Variants in BRINP2 observed in about 807,000 individuals in gnomAD.
BRINP2 encodes the protein BMP/retinoic acid inducible neural specific 2.
BRINP2 carries 21 observed loss-of-function variants against 69.2 expected under a neutral mutation model. That is an observed-to-expected ratio of 0.30 (90% CI 0.22 to 0.44). BRINP2 has a LOEUF of 0.44. Among genes scored for constraint, BRINP2 ranks in the 20% least tolerant of loss-of-function variants. The probability of loss-of-function intolerance (pLI) is 1.00; values close to 1 mark genes in which losing one functional copy is unlikely to be tolerated. For missense variants in BRINP2, 877 were observed against 986.0 expected (o/e 0.89, Z 1.48); for synonymous variants, 380 against 394.1 (o/e 0.96, Z 0.42).
chr1:177,220,703 G>A (rs188976015), intron 1 of BRINP2, among the ~76,000 whole-genome samples: 71 of 152,246 alleles, frequency 4.7e-4, no homozygotes, highest in South Asian at 1.5e-3. Context: ...ATGGACATGC[G>A]GAGACTGGGC....
chr1:177,281,530 G>T lies in BRINP2; in HGVS notation c.*2G>T. The T allele has an allele frequency of 6.3e-7, 1 of 1,595,082 alleles. No individual in the cohort carries two copies. The highest frequency in any genetic ancestry group is 2.2e-5 in the East Asian group (1 of 44,808). On this transcript the variant is annotated 3_prime_UTR_variant, in exon 8 of 8. Coordinates refer to ENST00000361539, the MANE Select transcript of BRINP2 (RefSeq NM_021165.4). ...GAGACCGGCAAACTCTGTAGCTAAT[G>T]GGCGGCCCACTTCAGCACTGGGCAA...
chr1:177,174,128 G>A (rs928399290), intron 1 of BRINP2, among the ~76,000 whole-genome samples: 1 of 152,120 alleles, frequency 6.6e-6, no homozygotes, highest in African/African-American at 2.4e-5. Context: ...CCCCCTTCTT[G>A]GAAAAGGGAG....
intron 4 of BRINP2, among the ~76,000 whole-genome samples, chr1:177,263,412 A>G (rs1353988621): frequency 6.6e-6 from 1 of 152,170 alleles, no homozygotes; most frequent in East Asian, 1.9e-4. Context: ...GGAGCCAGAG[A>G]TCATTAGAGA....
At chr1:177,226,692 G>A (rs1189852596) in intron 1 of BRINP2, among the ~76,000 whole-genome samples, 1 of 152,202 alleles carries the variant, frequency 6.6e-6, no homozygotes, top group African/African-American at 2.4e-5. Context: ...CCAGGTGCTA[G>A]ACAGGGAAGC....
chr1:177,260,608 C>T (rs2102350000), intron 4 of BRINP2, among the ~76,000 whole-genome samples: 1 of 152,268 alleles, frequency 6.6e-6, no homozygotes, highest in South Asian at 2.1e-4. Flanking sequence ...GCCACCCCAA[C>T]CTTCAGCAAC....
intron 1 of BRINP2, among the ~76,000 whole-genome samples, chr1:177,187,273 G>A (rs537511020): frequency 3.9e-5 from 6 of 152,190 alleles, no homozygotes; most frequent in South Asian, 2.1e-4. Context: ...AAATGCTTAC[G>A]GCACATCCAG....
rs557987630 is a variant in BRINP2, at chr1:177,276,541, G to C, written c.1012+107G>C. 7.9e-5 allele frequency: 77 copies of C among 969,262 alleles called. No homozygotes were observed. The South Asian group carries it at 1.1e-3, about 14-fold the overall frequency. The allele number at this position is 969,262 out of a possible 1,614,324, so 60.0% of individuals were successfully genotyped here. A position where few individuals can be genotyped will look rare whatever the true frequency, so the allele number is the denominator to read the frequency against. ...AGTTGAGGATCCTCATGGGGATCCTGACATGACCACTTAATTGTGTCTGTG... is the reference window on the plus strand; with the variant it reads ...AGTTGAGGATCCTCATGGGGATCCTCACATGACCACTTAATTGTGTCTGTG... On this transcript the variant is annotated intron_variant, in intron 6 of 7. Transcript: ENST00000361539.
chr1:177,234,097 G>C (rs1242839969), intron 2 of BRINP2, among the ~76,000 whole-genome samples: 1 of 152,186 alleles, frequency 6.6e-6, no homozygotes, highest in African/African-American at 2.4e-5. Context: ...GTAAGAGCTA[G>C]AAGAACAGAG....
At chr1:177,246,593 AG>A (rs991290347) in intron 2 of BRINP2, among the ~76,000 whole-genome samples, 41 of 152,342 alleles carry the variant, frequency 2.7e-4, no homozygotes, top group African/African-American at 8.9e-4. Flanking sequence ...TAAAAGTTGG[AG>A]GGGGTGCCCC....
intron 1 of BRINP2, among the ~76,000 whole-genome samples, chr1:177,191,578 C>T (rs772860975): frequency 2.0e-5 from 3 of 152,184 alleles, no homozygotes; most frequent in Non-Finnish European, 4.4e-5. Flanking sequence ...CCTCAGCCTC[C>T]TGAGTAGCTA....
intron 4 of BRINP2, among the ~76,000 whole-genome samples, chr1:177,269,977 T>G (rs976731063): frequency 3.3e-5 from 5 of 151,352 alleles, no homozygotes; most frequent in Admixed American, 2.6e-4. Context: ...TAGGCTCTCT[T>G]TATAATCTGC....
chr1:177,207,045 A>T (rs1313912631), intron 1 of BRINP2, among the ~76,000 whole-genome samples: 1 of 152,204 alleles, frequency 6.6e-6, no homozygotes, highest in Non-Finnish European at 1.5e-5. Flanking sequence ...GTTTATGGGC[A>T]GGAAGCTATA....
At chr1:177,254,572 A>T (rs1219362197) in intron 2 of BRINP2, among the ~76,000 whole-genome samples, 1 of 152,078 alleles carries the variant, frequency 6.6e-6, no homozygotes, top group African/African-American at 2.4e-5. Flanking sequence ...AAGGAAAAAT[A>T]CTTTTGTGGT....
intron 2 of BRINP2, among the ~76,000 whole-genome samples, chr1:177,250,664 A>G (rs1558177124): frequency 6.6e-6 from 1 of 152,154 alleles, no homozygotes; most frequent in Non-Finnish European, 1.5e-5. Flanking sequence ...TCTCCAGTGA[A>G]ATTCTCCAAA....
intron 1 of BRINP2, among the ~76,000 whole-genome samples, chr1:177,216,780 T>C (rs1414679254): frequency 1.1e-5 from 1 of 87,104 alleles, no homozygotes; most frequent in African/African-American, 3.6e-5. Context: ...TGGTTGGTAG[T>C]TTTTTTTTTT....
intron 1 of BRINP2, among the ~76,000 whole-genome samples, chr1:177,229,584 C>A (rs113094753): frequency 1.3e-5 from 2 of 152,206 alleles, no homozygotes; most frequent in African/African-American, 4.8e-5. Flanking sequence ...GCCTCATCTT[C>A]TTATCTGTGA....
intron 4 of BRINP2, among the ~76,000 whole-genome samples, chr1:177,269,061 A>C (rs1356627959): frequency 1.3e-5 from 2 of 152,024 alleles, no homozygotes; most frequent in Non-Finnish European, 2.9e-5. Context: ...AATAGTCTTC[A>C]CTCCAACCCC....
At chr1:177,231,115 T>C (rs891552243) in intron 2 of BRINP2, among the ~76,000 whole-genome samples, 1 of 152,240 alleles carries the variant, frequency 6.6e-6, no homozygotes, top group African/African-American at 2.4e-5. Context: ...TCTAGTCATA[T>C]GAACACACTA....
intron 1 of BRINP2, among the ~76,000 whole-genome samples, chr1:177,194,962 A>G (rs989681901): frequency 7.2e-5 from 11 of 152,134 alleles, no homozygotes; most frequent in African/African-American, 2.7e-4. Flanking sequence ...CTACCCATTC[A>G]TTAATTTTCT....
Sources: gnomAD v4.1 joint callset for allele counts (sites outside exome capture counted in the v4.1 genomes callset) on GRCh38, gnomAD v4.1.1 for gene constraint, MANE v1.5 for transcripts, NCBI Gene and HGNC (gene_info 2026-07-23, HGNC 2026-07-21) for gene names.